The following MTMR2 variants were observed in gnomAD, a reference collection of about 807,000 sequenced individuals.
MTMR2 encodes myotubularin related protein 2, also known as phosphatidylinositol-3,5-bisphosphate 3-phosphatase MTMR2.
A neutral mutation model predicts 86.9 loss-of-function variants in MTMR2; 55 were observed. The ratio of observed to expected loss-of-function variants is 0.63; its 90% CI spans 0.51 to 0.79. The LOEUF is 0.79. Ranked by LOEUF, MTMR2 falls within the 30% of genes least tolerant of loss-of-function variation. The pLI, the probability that MTMR2 is intolerant of heterozygous loss-of-function variation, is 0.00. For synonymous variants in MTMR2, 241 were observed against 266.8 expected, an observed-to-expected ratio of 0.90 and a Z score of 0.94; for missense variants, 659 against 772.3, an observed-to-expected ratio of 0.85 and a Z score of 1.74.
chr11:95,847,544 C>T (rs1359541723), intron 10 of MTMR2, among the ~76,000 whole-genome samples, 170 bp downstream of exon 10: 1 of 151,998 alleles, frequency 6.6e-6, no homozygotes, highest in African/African-American at 2.4e-5. Context: ...TATAAAAAAC[C>T]AATTCATTCA....
Position 95,841,692 on chromosome 11 carries a change from A to T in MTMR2, c.1404T>A (p.Asp468Glu). 1 of 1,613,374 alleles carries T rather than the reference A, an allele frequency of 6.2e-7. No homozygotes were observed. The highest frequency in any genetic ancestry group is 8.5e-7 in the Non-Finnish European group (1 of 1,179,356). ...ATCTGTCTGCATCTGCATGGTTCTTATCTCCATGGCCAACTCTCTGAAGCA... is the reference window on the plus strand; with the variant it reads ...ATCTGTCTGCATCTGCATGGTTCTTTTCTCCATGGCCAACTCTCTGAAGCA... ...HRFQLRVGHG[D>E]KNHADADRSP... The change falls in exon 12 of 15, where the codon GAT becomes GAA. Residue 468 changes from aspartate (D) to glutamate (E), a missense_variant. Asp to Glu is a conservative substitution (Grantham distance 45, BLOSUM62 2). Around this residue, in one of 3 missense-constraint regions of MTMR2, gnomAD observed 387 missense variants for 526.3 expected, o/e 0.74. Transcript: ENST00000346299.
chr11:95,843,674 T>G (rs1863647342), intron 11 of MTMR2, among the ~76,000 whole-genome samples: 1 of 152,180 alleles, frequency 6.6e-6, no homozygotes, highest in African/African-American at 2.4e-5. Context: ...TATCTTCTAT[T>G]AAGCCAAACT....
At chr11:95,838,751 CA>C (rs1863407764) in intron 12 of MTMR2, among the ~76,000 whole-genome samples, 1 of 151,990 alleles carries the variant, frequency 6.6e-6, no homozygotes, top group South Asian at 2.1e-4. Context: ...TCCATCCCAT[CA>C]AACCAGAGTC....
chr11:95,923,639 G>GAGATCGGA (rs1867016399), intron 1 of MTMR2: 3 of 1,373,368 alleles, frequency 2.2e-6, no homozygotes, highest in Non-Finnish European at 1.9e-6. Context: ...GGGAGAAAAC[G>GAGATCGGA]AGATCGGAAT....
At chr11:95,847,339 A>G (rs1450339756) in intron 10 of MTMR2, among the ~76,000 whole-genome samples, 2 of 152,204 alleles carry the variant, frequency 1.3e-5, no homozygotes, top group Admixed American at 1.3e-4. Flanking sequence ...GTTGACACAC[A>G]AAAGCAAACA....
rs1426798847 is a variant in MTMR2, at chr11:95,835,362, G to A, written c.1860C>T (p.Asn620=). ...KVEELQREIS[N]RSTSSSERAS... is the part of the protein sequence containing the mutation. Reference sequence around the variant, plus strand: ...CTCTCTCTGAGGATGAGGTTGATCGGTTAGAAATCTCTCTCTGTAGTTCCT... The same window carrying A: ...CTCTCTCTGAGGATGAGGTTGATCGATTAGAAATCTCTCTCTGTAGTTCCT... Residue 620 remains asparagine (N), a synonymous_variant, in exon 15 of 15, where the codon AAC becomes AAT. Transcript: ENST00000346299. The A allele has an allele frequency of 3.7e-6, 6 of 1,613,036 alleles. No individual in the cohort carries two copies. The highest frequency in any genetic ancestry group is 5.1e-6 in the Non-Finnish European group (6 of 1,179,370).
intron 2 of MTMR2, among the ~76,000 whole-genome samples, chr11:95,878,970 C>G (rs192358132): frequency 1.1e-3 from 174 of 152,172 alleles, no homozygotes; most frequent in Admixed American, 0.011. Context: ...AAGTAGTATT[C>G]ATATGCCCAT....
intron 5 of MTMR2, among the ~76,000 whole-genome samples, chr11:95,860,267 C>G (rs906790750): frequency 4.6e-5 from 7 of 152,060 alleles, no homozygotes; most frequent in Admixed American, 2.0e-4. Flanking sequence ...TTTGGGAGGC[C>G]AAGGCGGGCA....
At position 95,862,286 on chromosome 11, in the gene MTMR2, T is replaced by A; in HGVS notation, c.343A>T (p.Lys115Ter). Reference sequence around the variant, plus strand: ...CTGACTCTTACCCGTTCCATGCTTTTGAAATATAACCTATAATTCGTGACA... The same window carrying A: ...CTGACTCTTACCCGTTCCATGCTTTAGAAATATAACCTATAATTCGTGACA... The part of the protein sequence containing the change: ...LTVTNYRLYF[K>*]SMERDPPFVL... The change falls in exon 4 of 15, where the codon AAA (lysine) becomes TAA (stop). Residue 115 changes from lysine (K) to a stop codon, truncating the protein, a stop_gained. Transcript: ENST00000346299. LOFTEE classifies it high-confidence loss of function. 1 of 1,613,914 alleles carries A rather than the reference T, an allele frequency of 6.2e-7. No homozygotes were observed. The highest frequency in any genetic ancestry group is 2.2e-5 in the East Asian group (1 of 44,856).
intron 1 of MTMR2, among the ~76,000 whole-genome samples, chr11:95,904,077 T>C (rs971003108): frequency 2.6e-5 from 4 of 152,116 alleles, no homozygotes; most frequent in African/African-American, 9.7e-5. Context: ...ATCACTGCAC[T>C]TGATCTTGCC....
chr11:95,837,614 A>G (rs1223012913), intron 13 of MTMR2, among the ~76,000 whole-genome samples: 1 of 152,028 alleles, frequency 6.6e-6, no homozygotes, highest in East Asian at 1.9e-4. Flanking sequence ...TCTACATACT[A>G]TCTTTTCCGT....
Position 95,835,204 on chromosome 11 carries a change from G to A in MTMR2, c.*86C>T. The A allele has an allele frequency of 2.2e-6, 3 of 1,373,144 alleles. No homozygotes were observed. Among genetic ancestry groups the A allele is most frequent in the Non-Finnish European group, 2.1e-6 (2 of 971,084 alleles). The allele number at this position is 1,373,144 out of a possible 1,614,324, so 85.1% of individuals were successfully genotyped here. On this transcript the variant is annotated 3_prime_UTR_variant, in exon 15 of 15. Coordinates refer to ENST00000346299, the MANE Select transcript of MTMR2 (RefSeq NM_016156.6). ...TGACTGAACTTTCTCTCATAGATGGGTTCTAAATTCCGAAGACTTTCTACT... is the reference window on the plus strand; with the variant it reads ...TGACTGAACTTTCTCTCATAGATGGATTCTAAATTCCGAAGACTTTCTACT...
chr11:95,841,211 A>G (rs1863532736), intron 12 of MTMR2, among the ~76,000 whole-genome samples: 1 of 151,392 alleles, frequency 6.6e-6, no homozygotes, highest in Non-Finnish European at 1.5e-5. Flanking sequence ...TTAAAATAAA[A>G]ATTTTCAGAA....
chr11:95,865,802 A>G, intron 2 of MTMR2, 126 bp from the exon 3 acceptor site: 1 of 790,130 alleles, frequency 1.3e-6, no homozygotes, highest in Non-Finnish European at 2.1e-6. Context: ...TTTTAAATCA[A>G]ATTTGTTAAA....
rs1863193631 is a variant in MTMR2, at chr11:95,834,985, A to T, written c.*305T>A. 1 of 370,910 alleles carries T rather than the reference A, an allele frequency of 2.7e-6. No individual in the cohort carries two copies. The highest frequency in any genetic ancestry group is 2.1e-5 in the African/African-American group (1 of 48,296). 23.0% of individuals were successfully genotyped at this position (370,910 alleles called of 1,614,324 possible). A position where few individuals can be genotyped will look rare whatever the true frequency, so the allele number is the denominator to read the frequency against. ...GGTTTTAATATTACCAGATGCCAAAAATTTGTAACAGCATTTGCCTTTTAA... is the reference window on the plus strand; with the variant it reads ...GGTTTTAATATTACCAGATGCCAAATATTTGTAACAGCATTTGCCTTTTAA... On this transcript the variant is annotated 3_prime_UTR_variant, in exon 15 of 15. Transcript: ENST00000346299.
intron 1 of MTMR2, among the ~76,000 whole-genome samples, chr11:95,908,438 T>C (rs542509): frequency 0.6 from 91,202 of 151,968 alleles, 29,460 homozygotes; most frequent in African/African-American, 0.85. Context: ...AGATTCAGTG[T>C]GATTCCTACC....
chr11:95,867,550 G>A (rs2060519973), intron 2 of MTMR2, among the ~76,000 whole-genome samples: 1 of 152,110 alleles, frequency 6.6e-6, no homozygotes, highest in Non-Finnish European at 1.5e-5. Context: ...CAAAGAGCGA[G>A]GCAATGAAAA....
intron 2 of MTMR2, among the ~76,000 whole-genome samples, chr11:95,870,460 C>A (rs917986290): frequency 6.6e-6 from 1 of 151,974 alleles, no homozygotes; most frequent in Admixed American, 6.6e-5. Context: ...AAATAGAATC[C>A]TGGATTAGTC....
intron 1 of MTMR2, among the ~76,000 whole-genome samples, chr11:95,899,739 G>T (rs1300482056): frequency 1.3e-5 from 2 of 152,034 alleles, no homozygotes; most frequent in African/African-American, 4.8e-5. Flanking sequence ...CCAGTGACTT[G>T]TTAGTAGGAT....
Sources: gnomAD v4.1 joint callset for allele counts (sites outside exome capture counted in the v4.1 genomes callset) on GRCh38, gnomAD v4.1.1 for gene constraint, gnomAD v4.1.1 regional missense constraint, MANE v1.5 for transcripts, NCBI Gene and HGNC (gene_info 2026-07-23, HGNC 2026-07-21) for gene names.